The following BAZ2A variants were observed in gnomAD, a reference collection of about 807,000 sequenced individuals.
The protein encoded by BAZ2A is bromodomain adjacent to zinc finger domain protein 2A.
Under a neutral mutation model 199.9 loss-of-function variants are expected in BAZ2A, and 34 were observed. The observed-to-expected ratio is 0.17, with a 90% CI of 0.13 to 0.23. The LOEUF is 0.23. Among genes scored for constraint, BAZ2A ranks in the 10% least tolerant of loss-of-function variants. The pLI is 1.00. For missense variants in BAZ2A, 2,002 were observed against 2,391.1 expected, an observed-to-expected ratio of 0.84 and a Z score of 3.39; for synonymous variants, 857 against 883.9, an observed-to-expected ratio of 0.97 and a Z score of 0.54.
chr12:56,616,359 G>T (rs916610226), intron 2 of BAZ2A, among the ~76,000 whole-genome samples: 1 of 152,112 alleles, frequency 6.6e-6, no homozygotes, highest in African/African-American at 2.4e-5. Context: ...GCCCCACAGT[G>T]GTACCAAAAG....
chr12:56,600,938 T>C lies in BAZ2A; in HGVS notation c.4450+5A>G, dbSNP rs1565807160. On this transcript the variant is annotated splice_donor_5th_base_variant and intron_variant, in intron 22 of 28. Transcript: ENST00000549884. ...AGCTCAAGCTGGGTGTAGGAATGTATTTACCAGCTGAGGGCCGCAGGCAGA... is the reference window on the plus strand; with the variant it reads ...AGCTCAAGCTGGGTGTAGGAATGTACTTACCAGCTGAGGGCCGCAGGCAGA... 8 of 1,613,698 alleles carry C rather than the reference T, an allele frequency of 5.0e-6. No homozygotes were observed. The highest frequency in any genetic ancestry group is 2.2e-5 in the East Asian group (1 of 44,866).
chr12:56,604,352 G>A, intron 15 of BAZ2A, 61 bp from the exon 16 acceptor site: 1 of 1,502,266 alleles, frequency 6.7e-7, no homozygotes, highest in Non-Finnish European at 9.1e-7. Context: ...GGAGGCTCAA[G>A]GGTAAAGGGG....
intron 1 of BAZ2A, among the ~76,000 whole-genome samples, chr12:56,620,917 A>T (rs2137186698): frequency 6.6e-6 from 1 of 152,262 alleles, no homozygotes; most frequent in South Asian, 2.1e-4. Context: ...TCTGAAAGAT[A>T]AGCATCATGA....
Position 56,602,029 on chromosome 12 carries a change from C to T in BAZ2A, c.3588G>A (p.Gly1196=). The T allele has an allele frequency of 6.4e-7, 1 of 1,554,652 alleles. No homozygotes were observed. The highest frequency in any genetic ancestry group is 8.7e-7 in the Non-Finnish European group (1 of 1,148,508). Residue 1196 remains glycine (G), a synonymous_variant, in exon 20 of 29, where the codon GGG becomes GGA. Coordinates refer to ENST00000549884, the MANE Select transcript of BAZ2A (RefSeq NM_001300905.2). The part of the protein sequence containing the change: ...ARGRPRKTKP[G]SMQPRHLKSP... The stretch of plus-strand genomic sequence containing the variant: ...ACTTAAGATGCCTAGGTTGCATAGA[C>T]CCGGGCTTAGTTTTTCGAGGTCGGC...
At chr12:56,632,843 G>T (rs1951351562), upstream of BAZ2A, among the ~76,000 whole-genome samples, 1 of 152,032 alleles carries the variant, frequency 6.6e-6, no homozygotes, top group Non-Finnish European at 1.5e-5. Flanking sequence ...TTTACTTCTT[G>T]CTAGAAGTCA....
At position 56,605,835 on chromosome 12, in the gene BAZ2A, G is replaced by A. The variant is rs1379989802; in HGVS notation, c.2488C>T (p.His830Tyr). Residue 830 changes from histidine to tyrosine, a missense_variant, in exon 13 of 29, where the codon CAC becomes TAC. Coordinates refer to ENST00000549884, the MANE Select transcript of BAZ2A (RefSeq NM_001300905.2). ...TGTTACTCTCTCCTCACTACCTGGT[G>A]GTCAGTCAGACACATATCCTCTGTC... ...KPTEDMCLTD[H>Y]QPLPDFSRVP... 1 of 1,608,730 alleles carries A rather than the reference G, an allele frequency of 6.2e-7. No homozygotes were observed. The highest frequency in any genetic ancestry group is 2.2e-5 in the East Asian group (1 of 44,750).
chr12:56,605,950 T>A lies in BAZ2A; in HGVS notation c.2373A>T (p.Pro791=). ...KEKEEVTKAK[P]ACKADKTLAT... ...CCAGGGTCTTATCTGCTTTACAGGC[T>A]GGCTTGGCTTTGGTCACCTCCTCCT... The change falls in exon 13 of 29, where the codon CCA becomes CCT. Residue 791 remains proline, a synonymous_variant. Transcript: ENST00000549884. 2 of 1,558,538 alleles carry A rather than the reference T, an allele frequency of 1.3e-6. No individual in the cohort carries two copies. The highest frequency in any genetic ancestry group is 1.7e-6 in the Non-Finnish European group (2 of 1,150,584).
rs1188347369 is a variant in BAZ2A, at chr12:56,602,166, T to C, written c.3451A>G (p.Thr1151Ala). The change falls in exon 20 of 29, where the codon ACT becomes GCT. Residue 1151 changes from threonine to alanine, a missense_variant. By Grantham distance (58) the Thr-to-Ala change is moderately conservative (BLOSUM62 0). This residue lies in a region of BAZ2A where 1,081 missense variants were observed against 1,274.7 expected (regional missense o/e 0.85). Transcript: ENST00000549884. ...TGGGCTGCCACTTTTAAGGAGTCAGTTTCCTTCTTTATCACCTCCTCAGGA... is the reference window on the plus strand; with the variant it reads ...TGGGCTGCCACTTTTAAGGAGTCAGCTTCCTTCTTTATCACCTCCTCAGGA... ...LVPEEVIKKE[T>A]DSLKVAAHAS... The C allele has an allele frequency of 1.9e-6, 3 of 1,587,934 alleles. No homozygotes were observed. Among genetic ancestry groups the C allele is most frequent in the Admixed American group, 3.6e-5 (2 of 55,882 alleles).
rs186484382 is a variant in BAZ2A, at chr12:56,606,283, C to G, written c.2223G>C (p.Lys741Asn). ...TCTTAGCTTCCTTCTGCTTTAAGCT[C>G]TTGGTCTCTTGTTTCCGCTTATTTC... ...QARNKRKQET[K>N]SLKQKEAKKK... The change falls in exon 12 of 29, where the codon AAG becomes AAC. Residue 741 changes from lysine (K) to asparagine (N), a missense_variant. Transcript: ENST00000549884. 4.2e-5 allele frequency: 68 copies of G among 1,614,014 alleles called. No homozygotes were observed. The East Asian group carries it at 1.4e-3, about 33-fold the overall frequency.
At chr12:56,631,055 A>T (rs1036131669), upstream of BAZ2A, among the ~76,000 whole-genome samples, 3 of 152,178 alleles carry the variant, frequency 2.0e-5, no homozygotes, top group African/African-American at 7.2e-5. Context: ...GAAAACTCAG[A>T]AAAGTAAAAT....
Position 56,605,097 on chromosome 12 carries a change from A to C in BAZ2A, c.2724T>G (p.Asp908Glu). 6.2e-7 allele frequency: 1 copy of C among 1,611,100 alleles called. No individual in the cohort carries two copies. Among genetic ancestry groups the C allele is most frequent in the South Asian group, 1.1e-5 (1 of 90,880 alleles). The change falls in exon 14 of 29, where the codon GAT becomes GAG. Residue 908 changes from aspartate to glutamate, a missense_variant. Transcript: ENST00000549884. The stretch of plus-strand genomic sequence containing the variant: ...CCTGACAGTAGGAGGGAAAGCCAGG[A>C]TCATGGAGTGCAGCCTTCAGCAGCC... ...LVRLLKAALH[D>E]PGFPSYCQSL...
At position 56,610,143 on chromosome 12, in the gene BAZ2A, C is replaced by T. The variant is rs1950512982; in HGVS notation, c.1852G>A (p.Asp618Asn). ...FSFSPRMPVG[D>N]FFEERDTPEG... ...GGCGTGTCTCTTTCTTCAAAGAAAT[C>T]TCCAACAGGCATACGGGGACTGAAG... The change falls in exon 9 of 29, where the codon GAT becomes AAT. Residue 618 changes from aspartate to asparagine, a missense_variant. Physicochemically the swap from Asp to Asn is conservative, Grantham distance 23. Transcript: ENST00000549884. 6.2e-7 allele frequency: 1 copy of T among 1,613,798 alleles called. No homozygotes were observed. Among genetic ancestry groups the T allele is most frequent in the South Asian group, 1.1e-5 (1 of 91,062 alleles).
intron 1 of BAZ2A, among the ~76,000 whole-genome samples, chr12:56,620,445 G>C (rs1290447006): frequency 2.0e-5 from 3 of 152,050 alleles, no homozygotes; most frequent in African/African-American, 7.2e-5. Context: ...AGATTGCAGT[G>C]AGCCAAGATC....
intron 1 of BAZ2A, among the ~76,000 whole-genome samples, chr12:56,627,905 G>A (rs1951158021): frequency 6.6e-6 from 1 of 151,598 alleles, no homozygotes; most frequent in Non-Finnish European, 1.5e-5. Context: ...GAGAAGACCA[G>A]GCATGGTGGC....
At chr12:56,628,733 G>C (rs530306965) in intron 1 of BAZ2A, among the ~76,000 whole-genome samples, 1 of 152,190 alleles carries the variant, frequency 6.6e-6, no homozygotes, top group East Asian at 1.9e-4. Context: ...AAGCTCACTT[G>C]CTCAGGTGCT....
At chr12:56,623,187 G>C (rs1950976814) in intron 1 of BAZ2A, among the ~76,000 whole-genome samples, 2 of 151,406 alleles carry the variant, frequency 1.3e-5, no homozygotes, top group African/African-American at 4.9e-5. Context: ...AGTGAGCCGA[G>C]ATCGCGTCAC....
At chr12:56,635,287 G>T (rs1951422005), upstream of BAZ2A, among the ~76,000 whole-genome samples, 1 of 152,064 alleles carries the variant, frequency 6.6e-6, no homozygotes, top group African/African-American at 2.4e-5. This position sits in a 1 kb window ranked among gnomAD's most constrained non-coding sequence, Gnocchi z 4.1. Flanking sequence ...GGAGAGCTCT[G>T]CCCGCGCTCC....
intron 1 of BAZ2A, chr12:56,621,155 T>C (rs1221328906): frequency 8.1e-6 from 8 of 985,242 alleles, no homozygotes; most frequent in African/African-American, 1.7e-5. Context: ...TTCCATCCTA[T>C]GTGCAGTGGA....
In BAZ2A at chr12:56,602,152, T is replaced by A. The variant is rs1237067492; in HGVS notation, c.3465A>T (p.Lys1155Asn). 9 of 1,591,726 alleles carry A rather than the reference T, an allele frequency of 5.7e-6. No homozygotes were observed. Among genetic ancestry groups the A allele is most frequent in the Non-Finnish European group, 7.7e-6 (9 of 1,168,654 alleles). The change falls in exon 20 of 29, where the codon AAA (lysine) becomes AAT (asparagine). Residue 1155 changes from lysine to asparagine, a missense_variant. By Grantham distance (94) the Lys-to-Asn change is moderately conservative. This residue lies in a region of BAZ2A where 1,081 missense variants were observed against 1,274.7 expected (regional missense o/e 0.85). Transcript: ENST00000549884. ...EVIKKETDSL[K>N]VAAHASLNPA... The stretch of plus-strand genomic sequence containing the variant: ...GGTTGAGTGACGCATGGGCTGCCAC[T>A]TTTAAGGAGTCAGTTTCCTTCTTTA...
Sources: allele counts gnomAD v4.1 joint callset (sites outside exome capture counted in the v4.1 genomes callset), GRCh38; gene constraint gnomAD v4.1.1; regional missense constraint gnomAD v4.1.1; non-coding constraint Gnocchi (gnomAD v3.1); transcripts MANE v1.5; gene names NCBI Gene and HGNC (gene_info 2026-07-23, HGNC 2026-07-21).